Variants in LUZP1 observed in about 807,000 individuals in gnomAD.
LUZP1 encodes leucine zipper protein 1.
Under a neutral mutation model 71.3 loss-of-function variants are expected in LUZP1, and 25 were observed. That is an observed-to-expected ratio of 0.35 (90% CI 0.26 to 0.49). The LOEUF (loss-of-function observed/expected upper bound fraction) is 0.49, where lower values mean the gene tolerates loss of function less well. Ranked by LOEUF, LUZP1 falls within the 20% of genes least tolerant of loss-of-function variation. The pLI, the probability that LUZP1 is intolerant of heterozygous loss-of-function variation, is 0.99. For synonymous variants in LUZP1, 481 were observed against 506.4 expected (o/e 0.95, Z 0.67); for missense variants, 1,142 against 1,300.8 (o/e 0.88, Z 1.88).
Position 23,150,398 on chromosome 1 carries a change from T to C in LUZP1, c.-226+18368A>G, listed in dbSNP as rs1192786621. Among the ~76,000 whole-genome samples the C allele has an allele frequency of 3.3e-5, 5 of 152,230 alleles. No individual in the cohort carries two copies. In the South Asian group the frequency reaches 6.2e-4, roughly 19 times the overall value. On this transcript the variant is annotated intron_variant, in intron 2 of 4. Coordinates refer to ENST00000302291, the Ensembl canonical transcript of LUZP1. The stretch of plus-strand genomic sequence containing the variant: ...CCCTCGTCCAAGGAGTTGCAGAGTA[T>C]TCAACCAATGAAAACAGAAATAATA...
chr1:23,155,651 G>A (rs1039069380), intron 2 of LUZP1, among the ~76,000 whole-genome samples: 1 of 152,142 alleles, frequency 6.6e-6, no homozygotes, highest in Non-Finnish European at 1.5e-5. Flanking sequence ...CAAAATATCT[G>A]AATTATAAAC....
intron 3 of LUZP1, among the ~76,000 whole-genome samples, chr1:23,100,115 A>G (rs908788247): frequency 3.3e-5 from 5 of 152,156 alleles, no homozygotes; most frequent in African/African-American, 1.2e-4. Context: ...ACTCTATTGC[A>G]GCTTTATTTA....
intron 2 of LUZP1, among the ~76,000 whole-genome samples, chr1:23,135,999 C>A (rs932647291): frequency 1.3e-5 from 2 of 152,088 alleles, no homozygotes; most frequent in African/African-American, 4.8e-5. Flanking sequence ...TCTGCTAGTA[C>A]TTAATTATAC....
intron 1 of LUZP1, among the ~76,000 whole-genome samples, chr1:23,171,477 C>T (rs1644552603): frequency 6.6e-6 from 1 of 152,232 alleles, no homozygotes; most frequent in Non-Finnish European, 1.5e-5. Context: ...TTTCTCCTCT[C>T]ACCTTCTTTA....
exon 5 of LUZP1, chr1:23,087,076 A>G (rs1236734845): frequency 6.6e-6 from 1 of 152,208 alleles, no homozygotes; most frequent in East Asian, 1.9e-4. Context: ...GCACAGGAAC[A>G]GGAGATACAC....
intron 2 of LUZP1, chr1:23,140,277 A>G (rs1644292092): frequency 6.6e-6 from 1 of 152,080 alleles, no homozygotes; most frequent in Admixed American, 6.5e-5. Flanking sequence ...AGCTACTCAC[A>G]TGGGTGGAAG....
chr1:23,138,891 G>C (rs61781466), intron 2 of LUZP1, among the ~76,000 whole-genome samples: 1 of 147,858 alleles, frequency 6.8e-6, no homozygotes, highest in Non-Finnish European at 1.5e-5. Flanking sequence ...CCAGCTACTC[G>C]GGAGGCTGAG....
chr1:23,168,833 C>T (rs1644532699), exon 2 of LUZP1: 1 of 152,726 alleles, frequency 6.5e-6, no homozygotes, highest in African/African-American at 2.4e-5. Flanking sequence ...CGACCGGCGC[C>T]TCCTCTGGCT....
chr1:23,169,959 A>G (rs906977985), intron 1 of LUZP1, among the ~76,000 whole-genome samples: 1 of 139,272 alleles, frequency 7.2e-6, no homozygotes. Context: ...TGGTATGATC[A>G]CTTCCTACCT....
At chr1:23,126,981 A>C (rs1644176974) in intron 2 of LUZP1, among the ~76,000 whole-genome samples, 1 of 152,232 alleles carries the variant, frequency 6.6e-6, no homozygotes, top group African/African-American at 2.4e-5. Context: ...GTTGGCAAAT[A>C]CCAGTGTGAG....
At chr1:23,174,050 T>C (rs949151184) in intron 1 of LUZP1, among the ~76,000 whole-genome samples, 3 of 151,754 alleles carry the variant, frequency 2.0e-5, no homozygotes, top group African/African-American at 7.3e-5. Flanking sequence ...AATAGGAGTA[T>C]ATATATATAT....
In LUZP1 at chr1:23,107,910, G is replaced by A. The variant is rs145089668; in HGVS notation, c.-120+1112C>T. Among the ~76,000 whole-genome samples, 120 of 152,310 alleles carry A rather than the reference G, an allele frequency of 7.9e-4. 1 individual carries two copies. The highest frequency in any genetic ancestry group is 2.4e-3 in the African/African-American group (98 of 41,566). On this transcript the variant is annotated intron_variant, in intron 3 of 4. Transcript: ENST00000302291. ...CTAACTACACCTATTTCCTCAGAGG[G>A]GTTGACATGAGAGCAAGAGGCTTTG...
At chr1:23,084,517 C>CAA (rs1426952557) in exon 5 of LUZP1, 1 of 152,150 alleles carries the variant, frequency 6.6e-6, no homozygotes, top group Non-Finnish European at 1.5e-5. Context: ...TCCTTATCTG[C>CAA]AAAGTCCCTT....
chr1:23,139,016 AAAAATATATATAT>A (rs1239131522), intron 2 of LUZP1, among the ~76,000 whole-genome samples: 14 of 98,840 alleles, frequency 1.4e-4, no homozygotes, highest in Non-Finnish European at 2.4e-4. Context: ...AAAAAAAAAA[AAAAATATATATAT>A]ATATATATAT....
At chr1:23,134,725 C>T (rs1465974093) in intron 2 of LUZP1, among the ~76,000 whole-genome samples, 2 of 152,110 alleles carry the variant, frequency 1.3e-5, no homozygotes, top group African/African-American at 2.4e-5. Context: ...TAAGGCTGCA[C>T]TGAGCCATGA....
chr1:23,162,316 G>C (rs1167040375), intron 2 of LUZP1, among the ~76,000 whole-genome samples: 1 of 152,082 alleles, frequency 6.6e-6, no homozygotes, highest in Non-Finnish European at 1.5e-5. Flanking sequence ...TCTAGATCTA[G>C]GTGCTGCTTA....
chr1:23,111,476 C>T (rs1644032212), intron 2 of LUZP1, among the ~76,000 whole-genome samples: 1 of 152,048 alleles, frequency 6.6e-6, no homozygotes, highest in African/African-American at 2.4e-5. Context: ...GGGAGGATCA[C>T]CTGGAGCCCA....
chr1:23,136,954 A>C (rs989548763), intron 2 of LUZP1, among the ~76,000 whole-genome samples: 2 of 152,094 alleles, frequency 1.3e-5, no homozygotes, highest in African/African-American at 4.8e-5. Context: ...TTCCCAGTTA[A>C]ATGCTTACTT....
At chr1:23,111,973 C>CCT (rs1644038277) in intron 2 of LUZP1, among the ~76,000 whole-genome samples, 1 of 152,210 alleles carries the variant, frequency 6.6e-6, no homozygotes, top group African/African-American at 2.4e-5. Context: ...TGTCCCAGCA[C>CCT]CTACCACCTA....
Sources: gnomAD v4.1 joint callset for allele counts (sites outside exome capture counted in the v4.1 genomes callset) on GRCh38, gnomAD v4.1.1 for gene constraint, MANE v1.5 for transcripts, NCBI Gene and HGNC (gene_info 2026-07-23, HGNC 2026-07-21) for gene names.